Variants in TENM4 observed in about 807,000 individuals in gnomAD.
The protein encoded by TENM4 is teneurin-4.
A neutral mutation model predicts 243.3 loss-of-function variants in TENM4; 82 were observed. The observed-to-expected ratio is 0.34, with a 90% CI of 0.28 to 0.40. The LOEUF is 0.40. TENM4 is among the 10% of genes least tolerant of loss of function. The pLI is 1.00. For synonymous variants in TENM4, 1,412 were observed against 1,456.3 expected, an observed-to-expected ratio of 0.97 and a Z score of 0.69; for missense variants, 3,138 against 3,673.3, an observed-to-expected ratio of 0.85 and a Z score of 3.77.
intron 16 of TENM4, among the ~76,000 whole-genome samples, chr11:78,785,484 G>A (rs999478931): frequency 1.3e-5 from 2 of 152,132 alleles, no homozygotes; most frequent in African/African-American, 4.8e-5. Context: ...CAGCTGGTAA[G>A]GAAAAATCGA....
intron 2 of TENM4, among the ~76,000 whole-genome samples, chr11:79,259,083 G>A (rs997594585): frequency 7.9e-5 from 12 of 152,204 alleles, no homozygotes; most frequent in African/African-American, 2.2e-4. Flanking sequence ...GAATTAGCTC[G>A]TATTTCTCAA....
chr11:78,789,541 G>C (rs906715035), intron 15 of TENM4, among the ~76,000 whole-genome samples: 3 of 152,190 alleles, frequency 2.0e-5, no homozygotes, highest in African/African-American at 7.2e-5. Flanking sequence ...GTCAGGGCTG[G>C]AACTTTCCCT....
At chr11:78,764,074 G>T (rs1856490046) in intron 18 of TENM4, among the ~76,000 whole-genome samples, 1 of 152,184 alleles carries the variant, frequency 6.6e-6, no homozygotes, top group Non-Finnish European at 1.5e-5. Context: ...AGAGTACATG[G>T]GGCAGTCTCA....
intron 2 of TENM4, among the ~76,000 whole-genome samples, chr11:79,274,402 C>T (rs537082960): frequency 6.6e-6 from 1 of 152,354 alleles, no homozygotes; most frequent in South Asian, 2.1e-4. Context: ...CAGTGTCTTT[C>T]CACAAAATCA....
At chr11:78,990,875 C>T in intron 6 of TENM4, among the ~76,000 whole-genome samples, 1 of 152,150 alleles carries the variant, frequency 6.6e-6, no homozygotes, top group East Asian at 1.9e-4. Context: ...TGTTCTTTGA[C>T]TTTTTCAACT....
At chr11:78,695,851 ATG>A (rs56816673) in intron 28 of TENM4, among the ~76,000 whole-genome samples, 13 of 148,138 alleles carry the variant, frequency 8.8e-5, no homozygotes, top group East Asian at 5.9e-4. Context: ...ATGGCTAGAA[ATG>A]TGTGTGTGTG....
intron 3 of TENM4, among the ~76,000 whole-genome samples, chr11:79,210,231 C>G (rs190767994): frequency 1.3e-5 from 2 of 152,170 alleles, no homozygotes; most frequent in Admixed American, 6.5e-5. Context: ...TGAACAGGGC[C>G]TGACCATGTA....
chr11:79,035,991 A>T (rs1859368584), intron 6 of TENM4, among the ~76,000 whole-genome samples: 1 of 152,170 alleles, frequency 6.6e-6, no homozygotes, highest in African/African-American at 2.4e-5. Context: ...TTTATTTCCC[A>T]AGCCTCTTGA....
chr11:79,118,999 TACA>T lies in TENM4; in HGVS notation c.-66+29708_-66+29710del, dbSNP rs562538280. On this transcript the variant is annotated intron_variant, in intron 4 of 33. Transcript: ENST00000278550. ...TTGCCATACTGTTTTTCACTGTAGC[TACA>T]ACATTTTACCTAATCCATTTTTAAA... Among the ~76,000 whole-genome samples, 446 of 151,852 alleles carry T rather than the reference TACA, an allele frequency of 2.9e-3. 1 individual carries two copies. Among genetic ancestry groups the T allele is most frequent in the Non-Finnish European group, 5.1e-3 (346 of 68,024 alleles).
chr11:79,388,722 C>T (rs533998982), intron 1 of TENM4, among the ~76,000 whole-genome samples: 1 of 152,342 alleles, frequency 6.6e-6, no homozygotes, highest in South Asian at 2.1e-4. Context: ...CCACTGCCCT[C>T]ATGGAGCTCA....
intron 6 of TENM4, among the ~76,000 whole-genome samples, chr11:79,044,871 A>G (rs1218350841): frequency 6.6e-6 from 1 of 152,202 alleles, no homozygotes; most frequent in Non-Finnish European, 1.5e-5. Context: ...CACTCAATAA[A>G]TGGATGCTGA....
chr11:79,030,413 G>T (rs1776101085), intron 6 of TENM4, among the ~76,000 whole-genome samples: 1 of 152,156 alleles, frequency 6.6e-6, no homozygotes, highest in African/African-American at 2.4e-5. Flanking sequence ...TGGCTGAGAT[G>T]CTAGGTTGGG....
chr11:79,409,210 A>AG (rs1858646657), intron 1 of TENM4, among the ~76,000 whole-genome samples: 1 of 151,916 alleles, frequency 6.6e-6, no homozygotes, highest in African/African-American at 2.4e-5. Context: ...GAAAAAAAAA[A>AG]AAAGATTATA....
chr11:78,952,516 C>T (rs915798044), intron 6 of TENM4, among the ~76,000 whole-genome samples: 12 of 152,268 alleles, frequency 7.9e-5, no homozygotes, highest in Middle Eastern at 3.4e-3. Flanking sequence ...GCTACTGAAG[C>T]GGTCCAGGAG....
At chr11:79,359,875 G>T (rs534338370) in intron 1 of TENM4, among the ~76,000 whole-genome samples, 1 of 152,156 alleles carries the variant, frequency 6.6e-6, no homozygotes, top group African/African-American at 2.4e-5. Context: ...CTCAGGACCC[G>T]AAGCAGAGGC....
chr11:79,377,090 G>A (rs948534575), intron 1 of TENM4, among the ~76,000 whole-genome samples: 4 of 152,294 alleles, frequency 2.6e-5, no homozygotes, highest in Middle Eastern at 6.8e-3. Context: ...ACACACAGGC[G>A]ATAACATGGA....
chr11:79,063,154 T>A (rs1041316273), intron 6 of TENM4, among the ~76,000 whole-genome samples: 1 of 152,180 alleles, frequency 6.6e-6, no homozygotes, highest in African/African-American at 2.4e-5. Flanking sequence ...CATGGGACTC[T>A]GGACCCTAAG....
At chr11:79,135,265 C>CAATTTGCT (rs1226467670) in intron 4 of TENM4, among the ~76,000 whole-genome samples, 40 of 151,996 alleles carry the variant, frequency 2.6e-4, no homozygotes, top group African/African-American at 8.9e-4. Context: ...CGCTAGTGAT[C>CAATTTGCT]AGGGAAATGC....
chr11:78,721,103 G>A (rs1017187946), intron 24 of TENM4, among the ~76,000 whole-genome samples: 22 of 152,316 alleles, frequency 1.4e-4, no homozygotes, highest in Non-Finnish European at 2.2e-4. Context: ...AAGTTGCACA[G>A]CTTCTCTGCC....
Sources: allele counts gnomAD v4.1 joint callset (sites outside exome capture counted in the v4.1 genomes callset), GRCh38; gene constraint gnomAD v4.1.1; transcripts MANE v1.5; gene names NCBI Gene and HGNC (gene_info 2026-07-23, HGNC 2026-07-21).